Variants in ZNF385D observed in about 807,000 individuals in gnomAD.
ZNF385D encodes zinc finger protein 385D, also known as zinc finger protein 659.
A neutral mutation model predicts 35.8 loss-of-function variants in ZNF385D; 15 were observed. The observed-to-expected ratio is 0.42, with a 90% CI of 0.28 to 0.64. The LOEUF is 0.64. ZNF385D is among the 30% of genes least tolerant of loss of function. The pLI is 0.23. For synonymous variants in ZNF385D, 212 were observed against 186.8 expected, an observed-to-expected ratio of 1.13 and a Z score of -1.10; for missense variants, 474 against 494.6, an observed-to-expected ratio of 0.96 and a Z score of 0.39.
intron 3 of ZNF385D, among the ~76,000 whole-genome samples, chr3:21,828,889 T>C (rs767510341): frequency 3.9e-5 from 6 of 152,202 alleles, no homozygotes; most frequent in Non-Finnish European, 7.3e-5. Context: ...CCTCTCTCCA[T>C]TTTCAAAGCA....
intron 3 of ZNF385D, among the ~76,000 whole-genome samples, chr3:22,113,155 G>A (rs1010874180): frequency 2.6e-5 from 4 of 152,030 alleles, no homozygotes; most frequent in African/African-American, 7.2e-5. Context: ...CTTGTGTCAC[G>A]GCTCAACAAG....
chr3:21,802,895 T>C (rs570180036), intron 3 of ZNF385D, among the ~76,000 whole-genome samples: 1 of 152,256 alleles, frequency 6.6e-6, no homozygotes, highest in East Asian at 1.9e-4. Context: ...GTGCAAGTGA[T>C]TGGGCAAATG....
At chr3:21,838,862 T>A (rs534037464) in intron 3 of ZNF385D, among the ~76,000 whole-genome samples, 13 of 152,176 alleles carry the variant, frequency 8.5e-5, no homozygotes, top group African/African-American at 3.1e-4. Flanking sequence ...AAGATGCTTC[T>A]TAGAGGTGAT....
intron 3 of ZNF385D, among the ~76,000 whole-genome samples, chr3:22,113,435 A>G (rs1360356739): frequency 6.6e-6 from 1 of 152,122 alleles, no homozygotes; most frequent in Non-Finnish European, 1.5e-5. Context: ...ATGAATTATC[A>G]GAACTATACC....
chr3:22,047,817 T>G (rs1486722816), intron 3 of ZNF385D, among the ~76,000 whole-genome samples: 1 of 152,110 alleles, frequency 6.6e-6, no homozygotes, highest in Non-Finnish European at 1.5e-5. Flanking sequence ...TTTGAGGAAT[T>G]TTCATACTGT....
At chr3:21,964,684 G>A (rs989833671) in intron 3 of ZNF385D, among the ~76,000 whole-genome samples, 5 of 151,672 alleles carry the variant, frequency 3.3e-5, no homozygotes, top group African/African-American at 7.2e-5. Flanking sequence ...TAGAGATGGG[G>A]TTTCACCATG....
At chr3:22,046,766 A>T (rs1699028918) in intron 3 of ZNF385D, among the ~76,000 whole-genome samples, 1 of 152,176 alleles carries the variant, frequency 6.6e-6, no homozygotes, top group African/African-American at 2.4e-5. Context: ...TGGAGCAGAT[A>T]TTATATACTG....
chr3:21,941,494 T>G (rs1284349619), intron 3 of ZNF385D, among the ~76,000 whole-genome samples: 3 of 25,362 alleles, frequency 1.2e-4, no homozygotes, highest in Non-Finnish European at 2.7e-4. Context: ...ATTACTCTTT[T>G]TTTTTTTTTT....
intron 2 of ZNF385D, among the ~76,000 whole-genome samples, chr3:21,626,291 A>C (rs1243882537): frequency 6.6e-6 from 1 of 152,106 alleles, no homozygotes; most frequent in Non-Finnish European, 1.5e-5. Context: ...AAAGGAATTA[A>C]CATGGATTGA....
intron 3 of ZNF385D, among the ~76,000 whole-genome samples, chr3:22,061,303 C>T (rs1699673629): frequency 6.6e-6 from 1 of 152,004 alleles, no homozygotes; most frequent in South Asian, 2.1e-4. Context: ...TGGGTTTATT[C>T]CTTATTCATT....
At chr3:21,501,430 T>C (rs1706356227) in intron 4 of ZNF385D, among the ~76,000 whole-genome samples, 1 of 152,222 alleles carries the variant, frequency 6.6e-6, no homozygotes, top group Non-Finnish European at 1.5e-5. Flanking sequence ...GTGTAATTCT[T>C]AATTCAAATA....
chr3:21,826,304 C>A (rs1185670449), intron 3 of ZNF385D, among the ~76,000 whole-genome samples: 1 of 152,156 alleles, frequency 6.6e-6, no homozygotes, highest in African/African-American at 2.4e-5. Flanking sequence ...AATCCCCAAC[C>A]TGATTGTGAA....
chr3:22,092,495 C>A (rs1701385579), intron 3 of ZNF385D, among the ~76,000 whole-genome samples: 1 of 152,132 alleles, frequency 6.6e-6, no homozygotes, highest in South Asian at 2.1e-4. Flanking sequence ...CTACTGATAT[C>A]TTCCTGAGTA....
At chr3:21,500,653 T>A (rs1318146702) in intron 4 of ZNF385D, among the ~76,000 whole-genome samples, 1 of 152,196 alleles carries the variant, frequency 6.6e-6, no homozygotes, top group East Asian at 1.9e-4. Context: ...CATACACACC[T>A]TGCTTTCAGT....
At chr3:21,712,043 T>C (rs2125416607) in intron 1 of ZNF385D, among the ~76,000 whole-genome samples, 1 of 152,330 alleles carries the variant, frequency 6.6e-6, no homozygotes, top group Admixed American at 6.5e-5. Flanking sequence ...TGAAACCTTT[T>C]TAAAAGGTGT....
At chr3:22,034,012 T>A (rs1698165158) in intron 3 of ZNF385D, among the ~76,000 whole-genome samples, 1 of 152,160 alleles carries the variant, frequency 6.6e-6, no homozygotes, top group South Asian at 2.1e-4. Context: ...AAACGTAAAG[T>A]CCTGCTTTCA....
At chr3:22,214,526 A>C (rs1697734273) in intron 2 of ZNF385D, among the ~76,000 whole-genome samples, 1 of 152,080 alleles carries the variant, frequency 6.6e-6, no homozygotes, top group African/African-American at 2.4e-5. Context: ...AGCAAATAGG[A>C]GAAATACTGC....
chr3:21,553,018 A>G (rs777569861), intron 3 of ZNF385D, among the ~76,000 whole-genome samples: 15 of 152,136 alleles, frequency 9.9e-5, no homozygotes, highest in Non-Finnish European at 1.8e-4. Context: ...CTTTTTTTGA[A>G]GATGAAATGG....
chr3:21,942,064 T>C (rs1018795926), intron 3 of ZNF385D, among the ~76,000 whole-genome samples: 1 of 152,102 alleles, frequency 6.6e-6, no homozygotes, highest in South Asian at 2.1e-4. Flanking sequence ...TATTGTCAAA[T>C]GTATATGTTA....
Sources: allele counts gnomAD v4.1 joint callset (sites outside exome capture counted in the v4.1 genomes callset), GRCh38; gene constraint gnomAD v4.1.1; transcripts MANE v1.5; gene names NCBI Gene and HGNC (gene_info 2026-07-23, HGNC 2026-07-21).